Variants in TMEM223 observed in about 807,000 individuals in gnomAD.
TMEM223 encodes the protein transmembrane protein 223.
TMEM223 carries 14 observed loss-of-function variants against 14.1 expected under a neutral mutation model. The ratio of observed to expected loss-of-function variants is 0.99; its 90% CI spans 0.66 to 1.55. The LOEUF is 1.55. Among genes scored for constraint, TMEM223 ranks in the 40% most tolerant of loss-of-function variants. The pLI, the probability that TMEM223 is intolerant of heterozygous loss-of-function variation, is 0.00. For synonymous variants in TMEM223, 145 were observed against 120.5 expected (o/e 1.20, Z -1.33); for missense variants, 346 against 269.9 (o/e 1.28, Z -1.97).
At chr11:62,773,949 T>C (rs561755230) in intron 2 of TMEM223, among the ~76,000 whole-genome samples, 2 of 152,146 alleles carry the variant, frequency 1.3e-5, no homozygotes, top group Non-Finnish European at 2.9e-5. Flanking sequence ...ATAGGTGTAT[T>C]TGAGGAACTG....
rs1429736519 is a variant in TMEM223, at chr11:62,790,249, AGTG to A, written c.*371_*373del. On this transcript the variant is annotated 3_prime_UTR_variant, in exon 2 of 2. Coordinates refer to ENST00000307366, the MANE Select transcript of TMEM223 (RefSeq NM_001080501.3). ...ATTATATTACTGTCTTCATCTTAGT[AGTG>A]AGTTTTTGATGTTAAAGTACAACTA... 3 of 618,398 alleles carry A rather than the reference AGTG, an allele frequency of 4.9e-6. No homozygotes were observed. Among genetic ancestry groups the A allele is most frequent in the Non-Finnish European group, 8.0e-6 (3 of 375,692 alleles). The allele number at this position is 618,398 out of a possible 1,614,324, so 38.3% of individuals were successfully genotyped here.
intron 1 of TMEM223, among the ~76,000 whole-genome samples, chr11:62,776,768 T>C (rs2084191127): frequency 6.6e-6 from 1 of 151,226 alleles, no homozygotes; most frequent in Non-Finnish European, 1.5e-5. Context: ...TGAGAATCGC[T>C]TGAACCTAGC....
chr11:62,782,587 C>T, downstream of TMEM223: 2 of 1,501,204 alleles, frequency 1.3e-6, no homozygotes, highest in Non-Finnish European at 9.0e-7. Context: ...TTAACCCCAG[C>T]ACTCCCGAGT....
At chr11:62,789,759 G>A (rs1458917100), downstream of TMEM223, 3 of 1,513,416 alleles carry the variant, frequency 2.0e-6, no homozygotes, top group East Asian at 2.3e-5. Context: ...TGTGAGCTTG[G>A]CCTACCAGTG....
intron 1 of TMEM223, chr11:62,782,310 C>A: frequency 6.2e-7 from 1 of 1,613,854 alleles, no homozygotes; most frequent in South Asian, 1.1e-5. Context: ...ATGGGGCTGC[C>A]CTCCTGCTCA....
downstream of TMEM223, among the ~76,000 whole-genome samples, chr11:62,785,506 AG>A (rs1182937734): frequency 2.7e-5 from 4 of 146,698 alleles, no homozygotes; most frequent in African/African-American, 1.0e-4. Context: ...TTTTCCTTAT[AG>A]GCCCAGCTGG....
In TMEM223 at chr11:62,790,845, T is replaced by G; in HGVS notation, c.387A>C (p.Gly129=). The G allele has an allele frequency of 6.2e-7, 1 of 1,604,900 alleles. No individual in the cohort carries two copies. The highest frequency in any genetic ancestry group is 1.7e-5 in the Admixed American group (1 of 58,352). The change falls in exon 2 of 2, where the codon GGA becomes GGC. Residue 129 remains glycine, a synonymous_variant. Transcript: ENST00000307366. ...RSVRSVVLRA[G]GQQVTLTTHA... ...GAGTGGTGAGGGTCACCTGCTGCCC[T>G]CCAGCTCGAAGCACCACTGAGCGCA... is the stretch of plus-strand genomic sequence containing the variant.
chr11:62,776,591 C>T, intron 1 of TMEM223: 1 of 972,858 alleles, frequency 1.0e-6, no homozygotes, highest in Non-Finnish European at 1.6e-6. Flanking sequence ...TGGCTCATGC[C>T]TGTAATCCCA....
At chr11:62,772,593 G>A (rs1253866314) in intron 2 of TMEM223, among the ~76,000 whole-genome samples, 1 of 150,982 alleles carries the variant, frequency 6.6e-6, no homozygotes, top group Non-Finnish European at 1.5e-5. Context: ...CACTTTGGAG[G>A]CCGAGGTGGG....
chr11:62,790,156 G>C lies in TMEM223; in HGVS notation c.*467C>G. 1 of 1,284,378 alleles carries C rather than the reference G, an allele frequency of 7.8e-7. No individual in the cohort carries two copies. The highest frequency in any genetic ancestry group is 1.0e-6 in the Non-Finnish European group (1 of 965,264). The allele number at this position is 1,284,378 out of a possible 1,614,324, so 79.6% of individuals were successfully genotyped here. A position where few individuals can be genotyped will look rare whatever the true frequency, so the allele number is the denominator to read the frequency against. On this transcript the variant is annotated 3_prime_UTR_variant, in exon 2 of 2. Transcript: ENST00000307366. ...GGAGTCTTAGTTTTCCTTTCGTTGG[G>C]GGGTGGGGGGGAAACATAATGACAG...
rs759623192 is a variant in TMEM223 at position 62,791,958 on chromosome 11, G to C, written c.37C>G (p.Leu13Val). 1.9e-6 allele frequency: 3 copies of C among 1,576,374 alleles called. No homozygotes were observed. In the East Asian group the frequency reaches 6.9e-5, roughly 36 times the overall value. The part of the protein sequence containing the change: ...APWRRWPTGL[L>V]AVLRPLLTCR... Reference sequence around the variant, plus strand: ...GTGAGCAGGGGCCGCAGCACGGCTAGCAGCCCCGTGGGCCATCGCCTCCAA... The same window carrying C: ...GTGAGCAGGGGCCGCAGCACGGCTACCAGCCCCGTGGGCCATCGCCTCCAA... Residue 13 changes from leucine (L) to valine (V), a missense_variant, in exon 1 of 2, where the codon CTA (leucine) becomes GTA (valine). By Grantham distance (32) the Leu-to-Val change is conservative (BLOSUM62 1). Coordinates refer to ENST00000307366, the MANE Select transcript of TMEM223 (RefSeq NM_001080501.3).
chr11:62,777,098 G>A (rs2084193534), intron 1 of TMEM223, among the ~76,000 whole-genome samples: 1 of 151,752 alleles, frequency 6.6e-6, no homozygotes, highest in Admixed American at 6.6e-5. Context: ...AGTGAGCTGA[G>A]ATTGTGCCAC....
Position 62,791,967 on chromosome 11 carries a change from T to G in TMEM223, c.28A>C (p.Thr10Pro). 6.4e-7 allele frequency: 1 copy of G among 1,565,468 alleles called. No homozygotes were observed. Among genetic ancestry groups the G allele is most frequent in the Non-Finnish European group, 8.7e-7 (1 of 1,153,660 alleles). Reference protein sequence around the residue: MAAPWRRWPTGLLAVLRPLL... With the variant: MAAPWRRWPPGLLAVLRPLL... ...GGCCGCAGCACGGCTAGCAGCCCCG[T>G]GGGCCATCGCCTCCAAGGCGCCGCC... Residue 10 changes from threonine (T) to proline (P), a missense_variant, in exon 1 of 2, where the codon ACG (threonine) becomes CCG (proline). Coordinates refer to ENST00000307366, the MANE Select transcript of TMEM223 (RefSeq NM_001080501.3).
intron 1 of TMEM223, among the ~76,000 whole-genome samples, chr11:62,774,901 A>T (rs1426670995): frequency 6.7e-6 from 1 of 150,264 alleles, no homozygotes; most frequent in Non-Finnish European, 1.5e-5. Context: ...CAAAAAAAAA[A>T]AAAAAAAAAT....
At chr11:62,785,787 G>A (rs934806088), downstream of TMEM223, among the ~76,000 whole-genome samples, 3 of 151,728 alleles carry the variant, frequency 2.0e-5, no homozygotes, top group Non-Finnish European at 2.9e-5. Context: ...CACTGGCCTC[G>A]GCCTCCCAAA....
chr11:62,786,856 G>T, downstream of TMEM223: 1 of 1,593,894 alleles, frequency 6.3e-7, no homozygotes, highest in East Asian at 2.2e-5. Flanking sequence ...GGAGCCGGCG[G>T]CAGCCCCGGA....
At chr11:62,787,092 C>T (rs1377928934), downstream of TMEM223, 4 of 1,539,720 alleles carry the variant, frequency 2.6e-6, no homozygotes, top group East Asian at 2.5e-5. Context: ...TCGCCCCGCG[C>T]GGCGCCCCGC....
chr11:62,777,796 C>T (rs575095951), intron 1 of TMEM223, among the ~76,000 whole-genome samples: 2 of 152,284 alleles, frequency 1.3e-5, no homozygotes, highest in Admixed American at 1.3e-4. Flanking sequence ...CAGGGAGCCC[C>T]GGATGCTCCA....
Position 62,790,436 on chromosome 11 carries a change from T to G in TMEM223, c.*187A>C. On this transcript the variant is annotated 3_prime_UTR_variant, in exon 2 of 2. Coordinates refer to ENST00000307366, the MANE Select transcript of TMEM223 (RefSeq NM_001080501.3). ...TACTCCATTCTAAGATTGGCGTTTT[T>G]TTTTGTTTTTTTTTTTGTAAATAGA... The G allele has an allele frequency of 4.9e-6, 3 of 610,644 alleles. No individual in the cohort carries two copies. Among genetic ancestry groups the G allele is most frequent in the Non-Finnish European group, 8.3e-6 (3 of 362,368 alleles). The allele number at this position is 610,644 out of a possible 1,614,324, so 37.8% of individuals were successfully genotyped here.
Sources: gnomAD v4.1 joint callset for allele counts (sites outside exome capture counted in the v4.1 genomes callset) on GRCh38, gnomAD v4.1.1 for gene constraint, MANE v1.5 for transcripts, NCBI Gene and HGNC (gene_info 2026-07-23, HGNC 2026-07-21) for gene names.